UGT2B17: variants seen among roughly 807,000 people sequenced by gnomAD.
The protein encoded by UGT2B17 is UDP glucuronosyltransferase family 2 member B17, also known as UDP-glucuronosyltransferase 2B17.
A neutral mutation model predicts 48.2 loss-of-function variants in UGT2B17; 21 were observed. The ratio of observed to expected loss-of-function variants is 0.44; its 90% CI spans 0.31 to 0.63. The LOEUF (loss-of-function observed/expected upper bound fraction) is 0.63. Among genes scored for constraint, UGT2B17 ranks in the 20% least tolerant of loss-of-function variants. The probability of loss-of-function intolerance (pLI) is 0.08; values close to 1 mark genes in which losing one functional copy is unlikely to be tolerated. For missense variants in UGT2B17, 402 were observed against 696.1 expected (o/e 0.58, Z 4.75); for synonymous variants, 146 against 238.4 (o/e 0.61, Z 3.57).
rs1453034663 is a variant in UGT2B17, at chr4:68,551,886, T to C, written c.1031A>G (p.Lys344Arg). Residue 344 changes from lysine (K) to arginine (R), a missense_variant, in exon 5 of 7, where the codon AAG becomes AGG. Lys to Arg is a conservative substitution (Grantham distance 26). This residue lies in a region of UGT2B17 where 156 missense variants were observed against 258.6 expected (regional missense o/e 0.60). Coordinates refer to ENST00000317746, the MANE Select transcript of UGT2B17 (RefSeq NM_001077.4). The part of the protein sequence containing the change: ...QKVLWRFDGK[K>R]PNTLGSNTRL... ...AGTATTGGAACCTAAAGTATTTGGC[T>C]TCTTGCCATCAAATCTCCATAGAAC... is the stretch of plus-strand genomic sequence containing the variant. The C allele has an allele frequency of 7.3e-7, 1 of 1,364,586 alleles. No homozygotes were observed. Among genetic ancestry groups the C allele is most frequent in the Non-Finnish European group, 9.6e-7 (1 of 1,045,506 alleles). The allele number at this position is 1,364,586 out of a possible 1,614,324, so 84.5% of individuals were successfully genotyped here.
chr4:68,546,229 G>C (rs1232564021), intron 6 of UGT2B17, among the ~76,000 whole-genome samples: 1 of 125,662 alleles, frequency 8.0e-6, no homozygotes, highest in Non-Finnish European at 1.7e-5. Context: ...TATCCACCTT[G>C]ACCAAGTGGG....
chr4:68,544,028 G>A lies in UGT2B17; in HGVS notation c.1314-6124C>T, dbSNP rs866403214. ...ACTCTGCAGGTTATCATCCAGGAGA[G>A]CTTCCCCAATCTAGCAAGGCAGGCT... On this transcript the variant is annotated intron_variant, in intron 6 of 6. Transcript: ENST00000317746. Among the ~76,000 whole-genome samples, 28 of 126,554 alleles carry A rather than the reference G, an allele frequency of 2.2e-4. 9 individuals are homozygous for A. Among genetic ancestry groups the A allele is most frequent in the East Asian group, 1.5e-3 (2 of 1,328 alleles). The allele number at this position is 126,554 out of a possible 152,430, so 83.0% of individuals were successfully genotyped here.
rs1000710023 is a variant in UGT2B17, at chr4:68,551,372, G to T, written c.1093+452C>A. 6.4e-5 allele frequency among the ~76,000 whole-genome samples: 8 copies of T among 124,324 alleles called. 1 individual carries two copies. Among genetic ancestry groups the T allele is most frequent in the Non-Finnish European group, 1.7e-5 (1 of 58,942 alleles). 81.6% of individuals were successfully genotyped at this position (124,324 alleles called of 152,430 possible). A position where few individuals can be genotyped will look rare whatever the true frequency, so the allele number is the denominator to read the frequency against. ...TGGAGGTGGTGCTGAGGAAGGACAG[G>T]TTACACATCATCATGAAATGTGTTA... On this transcript the variant is annotated intron_variant, in intron 5 of 6. Transcript: ENST00000317746.
chr4:68,576,199 G>T lies in UGT2B17; in HGVS notation c.-313C>A, dbSNP rs1731372555. ...CTTCCGTCAGTCACCTTGCTTCTGG[G>T]TCAGGGAGCCAAGAAATGTAGCAGG... On this transcript the variant is annotated 5_prime_UTR_variant, in exon 1 of 7. Coordinates refer to ENST00000317746, the MANE Select transcript of UGT2B17 (RefSeq NM_001077.4). Among the ~76,000 whole-genome samples the T allele has an allele frequency of 8.0e-6, 1 of 125,462 alleles. No individual in the cohort carries two copies. The highest frequency in any genetic ancestry group is 2.7e-5 in the African/African-American group (1 of 36,468). 82.3% of individuals were successfully genotyped at this position (125,462 alleles called of 152,430 possible).
In UGT2B17 at chr4:68,561,786, C is replaced by CAAA. The variant is rs55755057; in HGVS notation, c.874-1121_874-1119dup. ...CACATCAGTCAATGTATTCTCACAC[C>CAAA]AAAAAAAAAAAAAAAGAAAAAGAAA... On this transcript the variant is annotated intron_variant, in intron 3 of 6. Transcript: ENST00000317746. Among the ~76,000 whole-genome samples the CAAA allele has an allele frequency of 2.8e-4, 23 of 81,274 alleles. 2 individuals carry two copies. The highest frequency in any genetic ancestry group is 8.6e-4 in the African/African-American group (21 of 24,436). The allele number at this position is 81,274 out of a possible 152,430, so 53.3% of individuals were successfully genotyped here. A position where few individuals can be genotyped will look rare whatever the true frequency, so the allele number is the denominator to read the frequency against.
At position 68,562,113 on chromosome 4, in the gene UGT2B17, T is replaced by A. The variant is rs1209152790; in HGVS notation, c.874-1445A>T. 1.6e-5 allele frequency among the ~76,000 whole-genome samples: 2 copies of A among 124,306 alleles called. 1 individual carries two copies. The highest frequency in any genetic ancestry group is 5.5e-5 in the African/African-American group (2 of 36,550). 81.5% of individuals were successfully genotyped at this position (124,306 alleles called of 152,430 possible). On this transcript the variant is annotated intron_variant, in intron 3 of 6. Transcript: ENST00000317746. ...ATGACATCTTTTATTTTTATTTTAT[T>A]TTATTTATTTATTTATTTTTGAGAT...
In UGT2B17 at chr4:68,566,011, T is replaced by A. The variant is rs1483852524; in HGVS notation, c.725-291A>T. 1.7e-5 allele frequency among the ~76,000 whole-genome samples: 2 copies of A among 118,826 alleles called. 1 individual carries two copies. Among genetic ancestry groups the A allele is most frequent in the Non-Finnish European group, 3.5e-5 (2 of 57,836 alleles). The allele number at this position is 118,826 out of a possible 152,430, so 78.0% of individuals were successfully genotyped here. ...TTTAATAGTATTTAATTTTTAATTT[T>A]TAATATTTAATAAAGTTTAATATTT... On this transcript the variant is annotated intron_variant, in intron 2 of 6. Coordinates refer to ENST00000317746, the MANE Select transcript of UGT2B17 (RefSeq NM_001077.4).
At chr4:68,542,341 G>T (rs1730677846) in intron 6 of UGT2B17, among the ~76,000 whole-genome samples, 1 of 125,864 alleles carries the variant, frequency 7.9e-6, no homozygotes, top group South Asian at 3.8e-4. Context: ...GGGTTGTCTT[G>T]GCTATATGGG....
rs372415229 is a variant in UGT2B17 at position 68,547,394 on chromosome 4, A to C, written c.1313+3283T>G. On this transcript the variant is annotated intron_variant, in intron 6 of 6. Coordinates refer to ENST00000317746, the MANE Select transcript of UGT2B17 (RefSeq NM_001077.4). ...CATATGTAGAAAGCTGAAACTGGAT[A>C]CCTTCCTTACACCTTATACAAAAAT... 2.0e-4 allele frequency among the ~76,000 whole-genome samples: 25 copies of C among 126,016 alleles called. 4 individuals are homozygous for C. Among genetic ancestry groups the C allele is most frequent in the South Asian group, 3.6e-4 (1 of 2,760 alleles). 82.7% of individuals were successfully genotyped at this position (126,016 alleles called of 152,430 possible).
chr4:68,559,033 A>G (rs958165816), intron 4 of UGT2B17, among the ~76,000 whole-genome samples: 1 of 125,940 alleles, frequency 7.9e-6, no homozygotes, highest in African/African-American at 2.7e-5. Context: ...GGCAGTCTTA[A>G]TTCTAGTAAT....
chr4:68,560,992 T>TAA (rs1731092691), intron 3 of UGT2B17, among the ~76,000 whole-genome samples: 1 of 125,254 alleles, frequency 8.0e-6, no homozygotes, highest in Non-Finnish European at 1.7e-5. Context: ...AATATTATAA[T>TAA]TACTAACATA....
In UGT2B17 at chr4:68,571,109, C is replaced by T. The variant is rs536894608; in HGVS notation, c.-64-2561G>A. Among the ~76,000 whole-genome samples, 25 of 125,306 alleles carry T rather than the reference C, an allele frequency of 2.0e-4. 8 individuals carry two copies. In the South Asian group the frequency reaches 6.9e-3, roughly 34 times the overall value. 82.2% of individuals were successfully genotyped at this position (125,306 alleles called of 152,430 possible). Reference sequence around the variant, plus strand: ...TAAAACAGCTTGTAACCATATGATTCGGTTGAGCATGTAGATGGGGGTCCA... The same window carrying T: ...TAAAACAGCTTGTAACCATATGATTTGGTTGAGCATGTAGATGGGGGTCCA... On this transcript the variant is annotated intron_variant, in intron 1 of 6. Coordinates refer to ENST00000317746, the MANE Select transcript of UGT2B17 (RefSeq NM_001077.4).
rs190100286 is a variant in UGT2B17, at chr4:68,559,123, A to G, written c.1005+1414T>C. Among the ~76,000 whole-genome samples, 3 of 125,328 alleles carry G rather than the reference A, an allele frequency of 2.4e-5. 1 individual carries two copies. The highest frequency in any genetic ancestry group is 8.1e-5 in the African/African-American group (3 of 36,920). The allele number at this position is 125,328 out of a possible 152,430, so 82.2% of individuals were successfully genotyped here. ...AGCTGTAACCTTCCAAATTTAATAT[A>G]AATTTATTAATTTTTGAGTGATATG... On this transcript the variant is annotated intron_variant, in intron 4 of 6. Coordinates refer to ENST00000317746, the MANE Select transcript of UGT2B17 (RefSeq NM_001077.4).
Position 68,557,337 on chromosome 4 carries a change from GA to G in UGT2B17, c.1005+3199del, listed in dbSNP as rs1482974822. ...CCATGAAATTCTAACAGGTGCTCTT[GA>G]AAAAAAGTTTTTGATAATTTTGGAG... On this transcript the variant is annotated intron_variant, in intron 4 of 6. Coordinates refer to ENST00000317746, the MANE Select transcript of UGT2B17 (RefSeq NM_001077.4). 1.6e-5 allele frequency among the ~76,000 whole-genome samples: 2 copies of G among 123,822 alleles called. 1 individual carries two copies. The highest frequency in any genetic ancestry group is 5.5e-5 in the African/African-American group (2 of 36,440). 81.2% of individuals were successfully genotyped at this position (123,822 alleles called of 152,430 possible). A position where few individuals can be genotyped will look rare whatever the true frequency, so the allele number is the denominator to read the frequency against.
chr4:68,549,332 C>A (rs1730874028), intron 6 of UGT2B17, among the ~76,000 whole-genome samples: 1 of 85,742 alleles, frequency 1.2e-5, no homozygotes. Context: ...TTTCAAAAGG[C>A]ATCCTCCAAA....
intron 6 of UGT2B17, among the ~76,000 whole-genome samples, chr4:68,546,380 T>C (rs1730806443): frequency 7.9e-6 from 1 of 126,392 alleles, no homozygotes; most frequent in Non-Finnish European, 1.7e-5. Context: ...CAACAACACT[T>C]CATGCTAAAA....
At position 68,568,655 on chromosome 4, in the gene UGT2B17, A is replaced by G. The variant is rs1176617091; in HGVS notation, c.-64-107T>C. 3 of 654,598 alleles carry G rather than the reference A, an allele frequency of 4.6e-6. No individual in the cohort carries two copies. The African/African-American group carries it at 5.9e-5, about 13-fold the overall frequency. The allele number at this position is 654,598 out of a possible 1,614,324, so 40.5% of individuals were successfully genotyped here. ...TTTTATATTTACAATTACTCTAGTCAAGCAATAATTTTTATGACCTAGAAT... is the reference window on the plus strand; with the variant it reads ...TTTTATATTTACAATTACTCTAGTCGAGCAATAATTTTTATGACCTAGAAT... On this transcript the variant is annotated intron_variant, in intron 1 of 6. Coordinates refer to ENST00000317746, the MANE Select transcript of UGT2B17 (RefSeq NM_001077.4).
chr4:68,555,049 T>C (rs7671817), intron 4 of UGT2B17, among the ~76,000 whole-genome samples: 110,703 of 123,846 alleles, frequency 0.89, 52,630 homozygotes, highest in Non-Finnish European at 0.99. Context: ...AAAGACTAAT[T>C]AAATGCTTTT....
rs1256217653 is a variant in UGT2B17 at position 68,538,240 on chromosome 4, G to A, written c.1314-336C>T. Among the ~76,000 whole-genome samples the A allele has an allele frequency of 8.4e-4, 14 of 16,706 alleles. 3 individuals carry two copies. The highest frequency in any genetic ancestry group is 1.0e-3 in the African/African-American group (14 of 13,784). 11.0% of individuals were successfully genotyped at this position (16,706 alleles called of 152,430 possible). Reference sequence around the variant, plus strand: ...GGGAATGATCATTTTGATATTTTTAGTTTTTTTTTTTTTTGAGACAGGCTT... The same window carrying A: ...GGGAATGATCATTTTGATATTTTTAATTTTTTTTTTTTTTGAGACAGGCTT... On this transcript the variant is annotated intron_variant, in intron 6 of 6. Transcript: ENST00000317746.
Sources: gnomAD v4.1 joint callset for allele counts (sites outside exome capture counted in the v4.1 genomes callset) on GRCh38, gnomAD v4.1.1 for gene constraint, gnomAD v4.1.1 regional missense constraint, MANE v1.5 for transcripts, NCBI Gene and HGNC (gene_info 2026-07-23, HGNC 2026-07-21) for gene names.